JUP: variants seen among roughly 807,000 people sequenced by gnomAD.
JUP encodes junction plakoglobin, also known as catenin (cadherin-associated protein), gamma 80kDa.
JUP carries 28 observed loss-of-function variants against 71.1 expected under a neutral mutation model. The ratio of observed to expected loss-of-function variants is 0.39; its 90% CI spans 0.29 to 0.54. JUP has a LOEUF of 0.54. JUP is among the 20% of genes least tolerant of loss of function. The probability of loss-of-function intolerance (pLI) is 0.62; values close to 1 mark genes in which losing one functional copy is unlikely to be tolerated. For missense variants in JUP, 869 were observed against 1,030.1 expected, an observed-to-expected ratio of 0.84 and a Z score of 2.14; for synonymous variants, 401 against 438.9, an observed-to-expected ratio of 0.91 and a Z score of 1.08.
At chr17:41,772,858 G>A in intron 1 of JUP, 2 of 985,480 alleles carry the variant, frequency 2.0e-6, no homozygotes, top group Non-Finnish European at 2.4e-6. Context: ...TTGTACCAGG[G>A]AGGTGAACTT....
chr17:41,771,348 A>G, intron 2 of JUP: 3 of 474,508 alleles, frequency 6.3e-6, no homozygotes, highest in Non-Finnish European at 1.2e-5. Context: ...TCAGATTCTT[A>G]TGTTCACAGA....
At chr17:41,767,274 A>G in intron 5 of JUP, 105 bp downstream of exon 5, 4 of 869,144 alleles carry the variant, frequency 4.6e-6, no homozygotes, top group South Asian at 2.7e-5. Flanking sequence ...ATCTGCACCT[A>G]TATCTCATCT....
At chr17:41,779,658 CTTTTT>C (rs1192058367) in intron 1 of JUP, among the ~76,000 whole-genome samples, 1 of 151,606 alleles carries the variant, frequency 6.6e-6, no homozygotes, top group African/African-American at 2.4e-5. Context: ...TCAGATATTA[CTTTTT>C]TTATTTTCTT....
At chr17:41,778,666 C>G (rs1474991014) in intron 1 of JUP, among the ~76,000 whole-genome samples, 3 of 152,078 alleles carry the variant, frequency 2.0e-5, no homozygotes, top group African/African-American at 7.2e-5. Context: ...AATCCCAGCA[C>G]TTTGGGAGGC....
At chr17:41,762,586 G>A (rs1008522904) in intron 8 of JUP, among the ~76,000 whole-genome samples, 8 of 151,968 alleles carry the variant, frequency 5.3e-5, no homozygotes, top group Admixed American at 1.3e-4. Context: ...TATTGTTGTC[G>A]AGACAGGTCT....
At position 41,755,478 on chromosome 17, in the gene JUP, C is replaced by G. The variant is rs895949074; in HGVS notation, c.*266G>C. On this transcript the variant is annotated 3_prime_UTR_variant, in exon 14 of 14. Transcript: ENST00000393931. ...GACAGGGGTCAGGGGCTCGGTGGACCTGCATCCCCAGAAGCTCAAGCCACT... is the reference window on the plus strand; with the variant it reads ...GACAGGGGTCAGGGGCTCGGTGGACGTGCATCCCCAGAAGCTCAAGCCACT... The G allele has an allele frequency of 1.5e-4, 66 of 427,546 alleles. No individual in the cohort carries two copies. Among genetic ancestry groups the G allele is most frequent in the Admixed American group, 8.0e-5 (2 of 25,132 alleles). 26.5% of individuals were successfully genotyped at this position (427,546 alleles called of 1,614,324 possible).
At chr17:41,764,171 T>C (rs1555602854) in intron 7 of JUP, among the ~76,000 whole-genome samples, 1 of 152,216 alleles carries the variant, frequency 6.6e-6, no homozygotes, top group Non-Finnish European at 1.5e-5. Context: ...GCATTTTTCC[T>C]TAAATTGTAT....
intron 6 of JUP, 27 bp from the exon 7 acceptor site, chr17:41,764,843 G>C: frequency 6.2e-7 from 1 of 1,613,554 alleles, no homozygotes; most frequent in South Asian, 1.1e-5. Context: ...GGTGCCATCA[G>C]CCACGGGGAG....
At chr17:41,764,229 G>A (rs1256511069) in intron 7 of JUP, among the ~76,000 whole-genome samples, 4 of 152,168 alleles carry the variant, frequency 2.6e-5, no homozygotes, top group Non-Finnish European at 4.4e-5. Context: ...CTCCAGCCCA[G>A]GGCCCAGGTC....
rs730880114 is a variant in JUP, at chr17:41,757,676, C to T, written c.1882G>A (p.Ala628Thr). The change falls in exon 11 of 14, where the codon GCC becomes ACC. Residue 628 changes from alanine to threonine, a missense_variant. By Grantham distance (58) the Ala-to-Thr change is moderately conservative. Transcript: ENST00000393931. ...ADAIDAEGASAPLMELLHSRN... is the reference protein window; with the variant it reads ...ADAIDAEGASTPLMELLHSRN... ...GAGTGCAGCAACTCCATGAGTGGGG[C>T]CGAGGCCCCCTCTGCATCAATGGCG... 29 of 1,613,544 alleles carry T rather than the reference C, an allele frequency of 1.8e-5. No individual in the cohort carries two copies. The highest frequency in any genetic ancestry group is 1.7e-5 in the Non-Finnish European group (20 of 1,179,720).
Position 41,758,488 on chromosome 17 carries a change from C to A in JUP, c.1684G>T (p.Gly562Cys). 6.2e-7 allele frequency: 1 copy of A among 1,613,582 alleles called. No individual in the cohort carries two copies. Among genetic ancestry groups the A allele is most frequent in the East Asian group, 2.2e-5 (1 of 44,850 alleles). The stretch of plus-strand genomic sequence containing the variant: ...AGGATGTGCAGTGCTCCGGTGCAGC[C>A]CTCCACAATCTCCTCCATCCTCACA... ...DGVRMEEIVEGCTGALHILAR... is the reference protein window; with the variant it reads ...DGVRMEEIVECCTGALHILAR... Residue 562 changes from glycine (G) to cysteine (C), a missense_variant, in exon 10 of 14, where the codon GGC (glycine) becomes TGC (cysteine). Physicochemically the swap from Gly to Cys is radical, Grantham distance 159. Transcript: ENST00000393931.
At chr17:41,772,760 T>C in intron 1 of JUP, 1 of 970,366 alleles carries the variant, frequency 1.0e-6, no homozygotes, top group African/African-American at 1.8e-5. Context: ...GGGGCAGGCC[T>C]GTGGGTGGTC....
chr17:41,758,554 C>T, intron 9 of JUP, 36 bp from the exon 10 acceptor site: 12 of 1,598,376 alleles, frequency 7.5e-6, no homozygotes, highest in Non-Finnish European at 9.4e-6. Context: ...GGGACAGGTG[C>T]CTTGGACATG....
chr17:41,760,241 TTTTG>T (rs1198862497), intron 8 of JUP, among the ~76,000 whole-genome samples: 15 of 151,952 alleles, frequency 9.9e-5, no homozygotes, highest in South Asian at 8.3e-4. Flanking sequence ...ACTGGGTTTT[TTTTG>T]TTTGTTTGTT....
rs1555602470 is a variant in JUP, at chr17:41,763,317, C to G, written c.1163G>C (p.Gly388Ala). ...NLSDVATKQE[G>A]LESVLKILVN... ...CAGAATCTTCAGCACACTCTCCAGG[C>G]CCTCCTGGAGGGCAAGGAAGGGACG... Residue 388 changes from glycine to alanine, a missense_variant, in exon 8 of 14, where the codon GGC (glycine) becomes GCC (alanine). Coordinates refer to ENST00000393931, the MANE Select transcript of JUP (RefSeq NM_002230.4). The G allele has an allele frequency of 6.2e-7, 1 of 1,612,514 alleles. No homozygotes were observed.
intron 1 of JUP, among the ~76,000 whole-genome samples, chr17:41,785,455 C>T (rs1325434193): frequency 6.6e-6 from 1 of 152,098 alleles, no homozygotes; most frequent in Admixed American, 6.5e-5. Context: ...CTTTCCACCC[C>T]CCACCCCGGC....
intron 8 of JUP, among the ~76,000 whole-genome samples, chr17:41,760,100 T>C (rs1244186002): frequency 6.6e-6 from 1 of 150,622 alleles, no homozygotes; most frequent in Admixed American, 6.6e-5. Flanking sequence ...GAGGCGGAGG[T>C]TGCAGTGAGC....
At chr17:41,759,018 C>A in intron 8 of JUP, 148 bp from the exon 9 acceptor site, 1 of 757,062 alleles carries the variant, frequency 1.3e-6, no homozygotes, top group Non-Finnish European at 2.1e-6. Context: ...GAGAAGGAGA[C>A]CATCCCAGCC....
intron 1 of JUP, among the ~76,000 whole-genome samples, chr17:41,780,318 A>G (rs12948083): frequency 0.54 from 82,270 of 151,628 alleles, 23,447 homozygotes; most frequent in Middle Eastern, 0.69. Flanking sequence ...GATTGCTTGA[A>G]CCCAGGAATT....
Sources: allele counts gnomAD v4.1 joint callset (sites outside exome capture counted in the v4.1 genomes callset), GRCh38; gene constraint gnomAD v4.1.1; transcripts MANE v1.5; gene names NCBI Gene and HGNC (gene_info 2026-07-23, HGNC 2026-07-21).